Variants in AGPS observed in about 807,000 individuals in gnomAD.
AGPS encodes alkyldihydroxyacetonephosphate synthase, peroxisomal.
In AGPS, 26 loss-of-function variants were observed where a neutral mutation model predicts 90.7. The observed-to-expected ratio is 0.29, with a 90% CI of 0.21 to 0.40. AGPS has a LOEUF of 0.40. Among genes scored for constraint, AGPS ranks in the 10% least tolerant of loss-of-function variants. The pLI is 1.00. For synonymous variants in AGPS, 294 were observed against 285.3 expected, an observed-to-expected ratio of 1.03 and a Z score of -0.31; for missense variants, 540 against 816.1, an observed-to-expected ratio of 0.66 and a Z score of 4.12.
chr2:177,505,486 A>T lies in AGPS; in HGVS notation c.1476-20A>T. On this transcript the variant is annotated intron_variant, in intron 14 of 19. Coordinates refer to ENST00000264167, the MANE Select transcript of AGPS (RefSeq NM_003659.4). ...AGATTAAGATAAAAAATTTATTAAC[A>T]GTTTGTTCTTTAATTACAGTGGGTT... The T allele has an allele frequency of 6.2e-7, 1 of 1,603,876 alleles. No individual in the cohort carries two copies. Among genetic ancestry groups the T allele is most frequent in the Non-Finnish European group, 8.5e-7 (1 of 1,172,050 alleles).
chr2:177,431,359 A>G (rs1686236749), intron 2 of AGPS, among the ~76,000 whole-genome samples: 1 of 152,206 alleles, frequency 6.6e-6, no homozygotes, highest in Non-Finnish European at 1.5e-5. Context: ...CAAAATTAGA[A>G]TGACTGATGA....
intron 11 of AGPS, among the ~76,000 whole-genome samples, chr2:177,488,734 G>C (rs1429237873): frequency 6.6e-6 from 1 of 152,110 alleles, no homozygotes; most frequent in Non-Finnish European, 1.5e-5. Flanking sequence ...GTAGTCTCTA[G>C]GCTCAAGAAT....
intron 1 of AGPS, among the ~76,000 whole-genome samples, chr2:177,416,154 A>G (rs1165772230): frequency 6.6e-6 from 1 of 152,222 alleles, no homozygotes; most frequent in Non-Finnish European, 1.5e-5. Flanking sequence ...TAGTAGAGGA[A>G]TAGTAGTGTG....
chr2:177,402,034 T>C (rs1231247541), intron 1 of AGPS, among the ~76,000 whole-genome samples: 2 of 152,262 alleles, frequency 1.3e-5, no homozygotes, highest in African/African-American at 4.8e-5. Context: ...GAAAGATTTT[T>C]ATTTTCTTGG....
intron 1 of AGPS, among the ~76,000 whole-genome samples, chr2:177,415,473 A>G (rs1685758753): frequency 6.6e-6 from 1 of 152,244 alleles, no homozygotes; most frequent in South Asian, 2.1e-4. Flanking sequence ...ACTTTGCATT[A>G]TCACACTGCT....
intron 1 of AGPS, among the ~76,000 whole-genome samples, chr2:177,399,966 T>C (rs945237854): frequency 1.3e-5 from 2 of 152,208 alleles, no homozygotes; most frequent in African/African-American, 4.8e-5. Context: ...TTCCATTGGG[T>C]AGATATATAC....
chr2:177,415,970 T>C (rs957485273), intron 1 of AGPS, among the ~76,000 whole-genome samples: 3 of 152,168 alleles, frequency 2.0e-5, no homozygotes, highest in African/African-American at 7.2e-5. Context: ...TCAGAAAAAC[T>C]TTTATAAAAG....
chr2:177,408,440 C>T (rs781094206), intron 1 of AGPS, among the ~76,000 whole-genome samples: 6 of 152,156 alleles, frequency 3.9e-5, no homozygotes, highest in East Asian at 3.9e-4. Flanking sequence ...ATTTCCATAG[C>T]GGATCAAACT....
chr2:177,463,085 A>T (rs1687348301), intron 9 of AGPS, among the ~76,000 whole-genome samples: 1 of 152,174 alleles, frequency 6.6e-6, no homozygotes, highest in Non-Finnish European at 1.5e-5. Flanking sequence ...TGTTCTACCA[A>T]GTAGTGGTAA....
intron 3 of AGPS, among the ~76,000 whole-genome samples, chr2:177,434,997 G>GGGCATATA (rs36151985): frequency 3.1e-5 from 4 of 128,160 alleles, no homozygotes; most frequent in Non-Finnish European, 6.5e-5. Flanking sequence ...TAAACTGTAG[G>GGGCATATA]TATATATATA....
intron 1 of AGPS, among the ~76,000 whole-genome samples, chr2:177,405,676 T>TG (rs1486131242): frequency 6.6e-6 from 1 of 151,256 alleles, no homozygotes; most frequent in Admixed American, 6.6e-5. Flanking sequence ...TTCTGTTGTT[T>TG]TTTTTTTTTT....
chr2:177,461,951 T>G lies in AGPS; in HGVS notation c.929T>G (p.Val310Gly). The change falls in exon 9 of 20, where the codon GTA becomes GGA. Residue 310 changes from valine to glycine, a missense_variant. Val to Gly is a moderately radical substitution (Grantham distance 109). Coordinates refer to ENST00000264167, the MANE Select transcript of AGPS (RefSeq NM_003659.4). ...CCAGATTCCCTGGAGTTCAGTACTGTAGGAGGATGGGTATCTACTCGCGCA... is the reference window on the plus strand; with the variant it reads ...CCAGATTCCCTGGAGTTCAGTACTGGAGGAGGATGGGTATCTACTCGCGCA... ...HEPDSLEFST[V>G]GGWVSTRASG... 6.2e-7 allele frequency: 1 copy of G among 1,612,826 alleles called. No homozygotes were observed.
intron 2 of AGPS, among the ~76,000 whole-genome samples, chr2:177,422,325 A>G (rs1685964518): frequency 6.6e-6 from 1 of 152,194 alleles, no homozygotes; most frequent in African/African-American, 2.4e-5. Context: ...TGGAGAGCAT[A>G]CATTCAGAAC....
intron 10 of AGPS, among the ~76,000 whole-genome samples, chr2:177,477,024 C>T (rs978450021): frequency 6.6e-6 from 1 of 151,918 alleles, no homozygotes; most frequent in Non-Finnish European, 1.5e-5. Flanking sequence ...TCGATCTAGT[C>T]GTATCTCTGA....
intron 17 of AGPS, among the ~76,000 whole-genome samples, chr2:177,519,067 G>A (rs189595872): frequency 9.5e-4 from 145 of 152,238 alleles, no homozygotes; most frequent in African/African-American, 3.1e-3. Context: ...AGTGATAGCC[G>A]TTGCTCCTTT....
At chr2:177,444,420 C>CAA (rs10618529) in intron 7 of AGPS, among the ~76,000 whole-genome samples, 33 of 90,928 alleles carry the variant, frequency 3.6e-4, no homozygotes, top group African/African-American at 6.1e-4. Context: ...GACTCTGTCT[C>CAA]AAAAAAAAAA....
chr2:177,532,148 C>A (rs1013698152), intron 19 of AGPS, among the ~76,000 whole-genome samples: 1 of 151,932 alleles, frequency 6.6e-6, no homozygotes, highest in Non-Finnish European at 1.5e-5. Context: ...GAAACTTTTG[C>A]TCTATGAAGG....
intron 8 of AGPS, among the ~76,000 whole-genome samples, chr2:177,448,481 T>C (rs1686840026): frequency 1.3e-5 from 2 of 152,190 alleles, no homozygotes; most frequent in South Asian, 4.1e-4. Flanking sequence ...TCCACTTGCG[T>C]ATTTACAGAC....
In AGPS at chr2:177,507,821, T is replaced by C. The variant is rs1688757737; in HGVS notation, c.1546-149T>C. On this transcript the variant is annotated intron_variant, in intron 15 of 19. Coordinates refer to ENST00000264167, the MANE Select transcript of AGPS (RefSeq NM_003659.4). ...CTGCATCTCACTCCAGGGACAACTT[T>C]TCAGTGCTCTTATGAGGTGGATAGT... 5.9e-6 allele frequency: 4 copies of C among 672,764 alleles called. No individual in the cohort carries two copies. The South Asian group carries it at 6.5e-5, about 11-fold the overall frequency. The allele number at this position is 672,764 out of a possible 1,614,324, so 41.7% of individuals were successfully genotyped here. A position where few individuals can be genotyped will look rare whatever the true frequency, so the allele number is the denominator to read the frequency against.
Sources: allele counts gnomAD v4.1 joint callset (sites outside exome capture counted in the v4.1 genomes callset), GRCh38; gene constraint gnomAD v4.1.1; transcripts MANE v1.5; gene names NCBI Gene and HGNC (gene_info 2026-07-23, HGNC 2026-07-21).